The following DOCK4 variants were observed in gnomAD, a reference collection of about 807,000 sequenced individuals.
The protein encoded by DOCK4 is dedicator of cytokinesis protein 4.
Under a neutral mutation model 268.1 loss-of-function variants are expected in DOCK4, and 97 were observed. The observed-to-expected ratio is 0.36, with a 90% CI of 0.31 to 0.43. The LOEUF (loss-of-function observed/expected upper bound fraction) is 0.43, where lower values mean the gene tolerates loss of function less well. DOCK4 is among the 20% of genes least tolerant of loss of function. The pLI is 1.00. For synonymous variants in DOCK4, 954 were observed against 887.2 expected (o/e 1.08, Z -1.34); for missense variants, 2,145 against 2,455.7 (o/e 0.87, Z 2.67).
chr7:111,786,868 T>C (rs746483364), intron 32 of DOCK4, among the ~76,000 whole-genome samples: 16 of 152,222 alleles, frequency 1.1e-4, no homozygotes, highest in Non-Finnish European at 1.3e-4. Flanking sequence ...CAGGTAGTAA[T>C]GACACTTAAG....
chr7:112,046,003 C>A (rs1804789624), intron 1 of DOCK4, among the ~76,000 whole-genome samples: 1 of 152,182 alleles, frequency 6.6e-6, no homozygotes, highest in Admixed American at 6.5e-5. Context: ...TAAGTTTATA[C>A]AGTCATGGCA....
At chr7:111,756,640 T>C (rs1797040066) in intron 41 of DOCK4, among the ~76,000 whole-genome samples, 1 of 152,136 alleles carries the variant, frequency 6.6e-6, no homozygotes, top group Non-Finnish European at 1.5e-5. Context: ...CGTTTCTTTT[T>C]TGTCAACCAG....
At chr7:111,982,482 G>C (rs6967113) in intron 7 of DOCK4, among the ~76,000 whole-genome samples, 37,992 of 152,048 alleles carry the variant, frequency 0.25, 5,442 homozygotes, top group African/African-American at 0.39. Flanking sequence ...CTTACATGTT[G>C]TGCAAATATT....
intron 1 of DOCK4, among the ~76,000 whole-genome samples, chr7:112,043,703 T>C (rs1804599044): frequency 6.6e-6 from 1 of 151,956 alleles, no homozygotes; most frequent in East Asian, 1.9e-4. Flanking sequence ...CAACCCTGGA[T>C]AGAGGGGATT....
chr7:112,037,329 G>A (rs890914291), intron 1 of DOCK4, among the ~76,000 whole-genome samples: 6 of 152,166 alleles, frequency 3.9e-5, no homozygotes, highest in African/African-American at 1.2e-4. Context: ...GGGTTTGTCA[G>A]CCTGTAACTC....
In DOCK4 at chr7:112,141,539, T is replaced by C. The variant is rs77751605; in HGVS notation, c.37+64563A>G. Among the ~76,000 whole-genome samples the C allele has an allele frequency of 7.8e-3, 1,189 of 152,298 alleles. 17 individuals are homozygous for C. Among genetic ancestry groups the C allele is most frequent in the African/African-American group, 0.027 (1,132 of 41,560 alleles). Reference sequence around the variant, plus strand: ...TGAGATTTCCCTGAAGAAGAGATTCTGACTCAAGACTCCAACATCAACTCC... The same window carrying C: ...TGAGATTTCCCTGAAGAAGAGATTCCGACTCAAGACTCCAACATCAACTCC... On this transcript the variant is annotated intron_variant, in intron 1 of 52. Transcript: ENST00000428084.
chr7:111,970,542 T>C (rs1287528710), intron 8 of DOCK4, among the ~76,000 whole-genome samples: 3 of 152,154 alleles, frequency 2.0e-5, no homozygotes, highest in African/African-American at 7.2e-5. Flanking sequence ...CCTTTCCCAG[T>C]AATACCCTTG....
Position 111,861,758 on chromosome 7 carries a change from A to AAT in DOCK4, c.2473+1613_2473+1614insAT, listed in dbSNP as rs1554617208. Among the ~76,000 whole-genome samples, 272 of 74,376 alleles carry AAT rather than the reference A, an allele frequency of 3.7e-3. 1 individual carries two copies. The highest frequency in any genetic ancestry group is 0.013 in the African/African-American group (257 of 20,042). 48.8% of individuals were successfully genotyped at this position (74,376 alleles called of 152,430 possible). ...AAGACTCAGTCTCAAAAAAAAAAAA[A>AAT]AATAATAATAATAATATTAATAAAA... is the stretch of plus-strand genomic sequence containing the variant. On this transcript the variant is annotated intron_variant, in intron 23 of 52. Transcript: ENST00000428084.
chr7:111,915,838 A>G lies in DOCK4; in HGVS notation c.1133T>C (p.Val378Ala). Residue 378 changes from valine to alanine, a missense_variant, in exon 13 of 53, where the codon GTA (valine) becomes GCA (alanine). Physicochemically the swap from Val to Ala is moderately conservative, Grantham distance 64 (BLOSUM62 0). Around this residue, in one of 2 missense-constraint regions of DOCK4, gnomAD observed 1,598 missense variants for 1,986.7 expected, o/e 0.80. Transcript: ENST00000428084. ...TGTTATGGATACTCCATGAGAAAAT[A>G]CTGATGAATATTCCCTTCTGATTTG... ...IEQIRREYSS[V>A]FSHGVSITRK... 4 of 1,612,664 alleles carry G rather than the reference A, an allele frequency of 2.5e-6. No individual in the cohort carries two copies. Among genetic ancestry groups the G allele is most frequent in the Non-Finnish European group, 3.4e-6 (4 of 1,179,322 alleles).
intron 1 of DOCK4, among the ~76,000 whole-genome samples, chr7:112,065,312 C>T (rs1806820648): frequency 6.6e-6 from 1 of 152,034 alleles, no homozygotes; most frequent in South Asian, 2.1e-4. Flanking sequence ...TCCACACTTC[C>T]TTCAACTGGC....
intron 1 of DOCK4, among the ~76,000 whole-genome samples, chr7:112,129,561 C>G (rs7794632): frequency 0.024 from 3,582 of 152,240 alleles, 131 homozygotes; most frequent in East Asian, 0.17. Context: ...TATAGTCTAA[C>G]TTAACAACAA....
At chr7:112,077,586 G>T (rs1808189924) in intron 1 of DOCK4, among the ~76,000 whole-genome samples, 1 of 152,048 alleles carries the variant, frequency 6.6e-6, no homozygotes, top group African/African-American at 2.4e-5. Context: ...GTGAGTTGTG[G>T]TATCATGCAT....
intron 1 of DOCK4, among the ~76,000 whole-genome samples, chr7:112,085,422 A>T (rs1037038197): frequency 1.1e-4 from 16 of 152,156 alleles, no homozygotes; most frequent in African/African-American, 3.6e-4. Context: ...ATAAAAACTC[A>T]TGAGTTCATA....
Position 111,811,303 on chromosome 7 carries a change from A to T in DOCK4, c.3006+571T>A, listed in dbSNP as rs993542577. On this transcript the variant is annotated intron_variant, in intron 28 of 52. Transcript: ENST00000428084. The stretch of plus-strand genomic sequence containing the variant: ...CAGAGTAAGAAGAAAGATGCCCAAA[A>T]CAAAGAACCACCATTGAGGAAGAAA... Among the ~76,000 whole-genome samples the T allele has an allele frequency of 1.2e-4, 18 of 152,296 alleles. No individual in the cohort carries two copies. The South Asian group carries it at 2.5e-3, about 21-fold the overall frequency.
rs140487444 is a variant in DOCK4, at chr7:111,958,543, A to G, written c.702-12745T>C. On this transcript the variant is annotated intron_variant, in intron 8 of 52. Transcript: ENST00000428084. Reference sequence around the variant, plus strand: ...TCTTTTAAAACACAGGCATAGGTGTAAGAGGACCTTCTGGTCACTTTCTAA... The same window carrying G: ...TCTTTTAAAACACAGGCATAGGTGTGAGAGGACCTTCTGGTCACTTTCTAA... 2.3e-3 allele frequency among the ~76,000 whole-genome samples: 348 copies of G among 152,314 alleles called. 5 individuals carry two copies. Among genetic ancestry groups the G allele is most frequent in the African/African-American group, 7.8e-3 (326 of 41,564 alleles).
At chr7:111,947,096 C>T (rs1292446740) in intron 8 of DOCK4, among the ~76,000 whole-genome samples, 1 of 152,158 alleles carries the variant, frequency 6.6e-6, no homozygotes, top group South Asian at 2.1e-4. Context: ...AATGCTGTAG[C>T]TTTGGTCAGT....
intron 12 of DOCK4, among the ~76,000 whole-genome samples, chr7:111,933,092 A>ATATACACATATATATACG (rs1794339072): frequency 7.0e-6 from 1 of 143,804 alleles, no homozygotes; most frequent in Non-Finnish European, 1.5e-5. Flanking sequence ...ATATATACGT[A>ATATACACATATATATACG]TATACACATA....
intron 1 of DOCK4, among the ~76,000 whole-genome samples, chr7:112,189,535 A>G (rs1345917109): frequency 6.6e-6 from 1 of 152,176 alleles, no homozygotes; most frequent in Non-Finnish European, 1.5e-5. Flanking sequence ...TAAATACCCT[A>G]TTAAAAATTT....
chr7:111,911,610 C>A (rs532046169), intron 13 of DOCK4, among the ~76,000 whole-genome samples: 27 of 152,268 alleles, frequency 1.8e-4, no homozygotes, highest in Middle Eastern at 3.4e-3. Flanking sequence ...CGGAAAGGGA[C>A]AGAAACGAGC....
Sources: allele counts gnomAD v4.1 joint callset (sites outside exome capture counted in the v4.1 genomes callset), GRCh38; gene constraint gnomAD v4.1.1; regional missense constraint gnomAD v4.1.1; transcripts MANE v1.5; gene names NCBI Gene and HGNC (gene_info 2026-07-23, HGNC 2026-07-21).